GRM7: variants seen among roughly 807,000 people sequenced by gnomAD.
GRM7 encodes glutamate metabotropic receptor 7.
Under a neutral mutation model 84.5 loss-of-function variants are expected in GRM7, and 35 were observed. The observed-to-expected ratio is 0.41, with a 90% confidence interval of 0.32 to 0.55. The LOEUF (loss-of-function observed/expected upper bound fraction) is 0.55. GRM7 is among the 20% of genes least tolerant of loss of function. The pLI is 0.19. For missense variants in GRM7, 1,003 were observed against 1,194.6 expected (o/e 0.84, Z 2.36); for synonymous variants, 487 against 455.1 (o/e 1.07, Z -0.89).
intron 2 of GRM7, among the ~76,000 whole-genome samples, chr3:7,232,943 T>C (rs1697240341): frequency 1.3e-5 from 2 of 152,152 alleles, no homozygotes; most frequent in African/African-American, 4.8e-5. Context: ...TGGGTACTTA[T>C]GGGTACCCTG....
intron 2 of GRM7, among the ~76,000 whole-genome samples, chr3:7,189,133 T>C (rs1695621007): frequency 1.3e-5 from 2 of 152,198 alleles, no homozygotes; most frequent in Admixed American, 1.3e-4. Flanking sequence ...GGAGAAGCCA[T>C]ATATTTATAT....
chr3:7,324,791 CAA>C (rs969629072), intron 4 of GRM7, among the ~76,000 whole-genome samples: 1 of 152,108 alleles, frequency 6.6e-6, no homozygotes, highest in African/African-American at 2.4e-5. Flanking sequence ...GAATCCTTGA[CAA>C]AGTGTTGAGT....
chr3:7,073,637 T>C (rs935317265), intron 1 of GRM7, among the ~76,000 whole-genome samples: 1 of 152,184 alleles, frequency 6.6e-6, no homozygotes, highest in East Asian at 1.9e-4. Flanking sequence ...AAACACCTGT[T>C]GCTGTCGATG....
At chr3:7,329,381 T>C (rs1701110120) in intron 4 of GRM7, among the ~76,000 whole-genome samples, 1 of 152,166 alleles carries the variant, frequency 6.6e-6, no homozygotes. Flanking sequence ...GGACCTTGGA[T>C]AAGCTACTTG....
chr3:7,301,225 A>G (rs62234954), intron 3 of GRM7, among the ~76,000 whole-genome samples: 72,015 of 151,868 alleles, frequency 0.47, 18,742 homozygotes, highest in Non-Finnish European at 0.6. Context: ...TGTTTCAAGC[A>G]TTCCCTTCTC....
At chr3:7,271,090 G>A (rs2124977363) in intron 2 of GRM7, among the ~76,000 whole-genome samples, 2 of 152,276 alleles carry the variant, frequency 1.3e-5, no homozygotes, top group South Asian at 2.1e-4. Flanking sequence ...AAATGCGAAG[G>A]CAGTATGTAT....
intron 9 of GRM7, among the ~76,000 whole-genome samples, chr3:7,705,937 A>T (rs1391463135): frequency 6.6e-6 from 1 of 152,190 alleles, no homozygotes. Flanking sequence ...ACATGGAACA[A>T]TTCAGCTTGG....
rs192859749 is a variant in GRM7, at chr3:7,497,919, A to T, written c.1515+36197A>T. ...AAATTGTGGGATGTGATAGGAACTC[A>T]ACAGATATTACTAACAATCAATAAT... On this transcript the variant is annotated intron_variant, in intron 7 of 9. Transcript: ENST00000357716. Among the ~76,000 whole-genome samples the T allele has an allele frequency of 2.6e-5, 4 of 152,334 alleles. No individual in the cohort carries two copies. The East Asian group carries it at 5.8e-4, about 22-fold the overall frequency.
intron 2 of GRM7, among the ~76,000 whole-genome samples, chr3:7,191,784 G>A (rs542285420): frequency 2.0e-5 from 3 of 151,942 alleles, no homozygotes; most frequent in East Asian, 3.9e-4. Context: ...TTCTGGATGA[G>A]GAGTTGTGCT....
At chr3:7,290,293 C>T (rs796794432) in intron 2 of GRM7, among the ~76,000 whole-genome samples, 5 of 152,296 alleles carry the variant, frequency 3.3e-5, no homozygotes, top group African/African-American at 9.6e-5. Context: ...GGAACAATTT[C>T]ACCATCTGCA....
At chr3:6,887,957 T>G (rs542751958) in intron 1 of GRM7, among the ~76,000 whole-genome samples, 1 of 152,374 alleles carries the variant, frequency 6.6e-6, no homozygotes, top group East Asian at 1.9e-4. Flanking sequence ...ATTGTGGTTT[T>G]GGTTTGCATT....
intron 1 of GRM7, among the ~76,000 whole-genome samples, chr3:6,974,938 T>A (rs1013579552): frequency 1.3e-5 from 2 of 152,122 alleles, no homozygotes; most frequent in Admixed American, 1.3e-4. Flanking sequence ...TTGGGAAATA[T>A]GAGAGTATTC....
intron 1 of GRM7, among the ~76,000 whole-genome samples, chr3:6,936,081 C>G (rs1002237636): frequency 6.6e-6 from 1 of 152,146 alleles, no homozygotes; most frequent in Admixed American, 6.5e-5. Context: ...TCACAAAGCT[C>G]GGTGACTTTC....
intron 1 of GRM7, among the ~76,000 whole-genome samples, chr3:7,114,117 G>A (rs17046794): frequency 3.3e-5 from 5 of 152,100 alleles, no homozygotes; most frequent in Non-Finnish European, 5.9e-5. Context: ...TGACTTAATG[G>A]AGATAAAGCT....
At chr3:7,349,100 G>C (rs564105696) in intron 4 of GRM7, among the ~76,000 whole-genome samples, 3 of 152,100 alleles carry the variant, frequency 2.0e-5, no homozygotes, top group South Asian at 2.1e-4. Flanking sequence ...TCCCTCCCTA[G>C]TTTTCATAAA....
chr3:6,993,207 TG>T (rs941757146), intron 1 of GRM7, among the ~76,000 whole-genome samples: 5 of 152,042 alleles, frequency 3.3e-5, no homozygotes, highest in African/African-American at 1.2e-4. Flanking sequence ...GAGAATCCCA[TG>T]GGGGAAACGG....
intron 2 of GRM7, among the ~76,000 whole-genome samples, chr3:7,240,299 T>A (rs1697509350): frequency 6.6e-6 from 1 of 151,440 alleles, no homozygotes; most frequent in African/African-American, 2.4e-5. Flanking sequence ...TGCATGGACT[T>A]GTGATAGTGA....
At chr3:7,637,703 C>G (rs936294471) in intron 8 of GRM7, among the ~76,000 whole-genome samples, 3 of 152,174 alleles carry the variant, frequency 2.0e-5, no homozygotes, top group Non-Finnish European at 4.4e-5. Flanking sequence ...GCCGTAGTGA[C>G]AGGTTGGTCA....
chr3:7,202,622 C>G (rs950427231), intron 2 of GRM7, among the ~76,000 whole-genome samples: 2 of 152,184 alleles, frequency 1.3e-5, no homozygotes, highest in Non-Finnish European at 2.9e-5. Context: ...TGAGCCACAG[C>G]AGCTGGCCAG....
Sources: gnomAD v4.1 joint callset for allele counts (sites outside exome capture counted in the v4.1 genomes callset) on GRCh38, gnomAD v4.1.1 for gene constraint, MANE v1.5 for transcripts, NCBI Gene and HGNC (gene_info 2026-07-23, HGNC 2026-07-21) for gene names.